SORBS2: variants seen among roughly 807,000 people sequenced by gnomAD.
The protein encoded by SORBS2 is sorbin and SH3 domain-containing protein 2.
SORBS2 carries 46 observed loss-of-function variants against 97.7 expected under a neutral mutation model. The observed-to-expected ratio is 0.47, with a 90% confidence interval of 0.37 to 0.60. The LOEUF is 0.60. SORBS2 is among the 20% of genes least tolerant of loss of function. The pLI is 0.00. For missense variants in SORBS2, 1,316 were observed against 1,282.3 expected (o/e 1.03, Z -0.40); for synonymous variants, 476 against 473.4 (o/e 1.01, Z -0.07).
chr4:185,758,918 T>A (rs1389540665), intron 2 of SORBS2, among the ~76,000 whole-genome samples: 1 of 152,242 alleles, frequency 6.6e-6, no homozygotes, highest in Non-Finnish European at 1.5e-5. Context: ...AGATCCTCTT[T>A]ACCCTGCTAT....
At chr4:185,625,962 ATC>A (rs1451943894) in intron 6 of SORBS2, among the ~76,000 whole-genome samples, 1 of 152,186 alleles carries the variant, frequency 6.6e-6, no homozygotes, top group Non-Finnish European at 1.5e-5. Flanking sequence ...ACATTTCAAA[ATC>A]TCTTTCTCTT....
At chr4:185,792,911 C>T (rs2099087598) in intron 1 of SORBS2, among the ~76,000 whole-genome samples, 1 of 152,176 alleles carries the variant, frequency 6.6e-6, no homozygotes, top group Non-Finnish European at 1.5e-5. Context: ...ACATGTGTGA[C>T]CCTGTGCAAG....
chr4:185,954,547 A>G (rs978746607), intron 1 of SORBS2, among the ~76,000 whole-genome samples: 3 of 152,250 alleles, frequency 2.0e-5, no homozygotes, highest in African/African-American at 7.2e-5. Context: ...GTTGTCACAG[A>G]GGCGAAGTGT....
At position 185,638,896 on chromosome 4, in the gene SORBS2, G is replaced by A. The variant is rs541024549; in HGVS notation, c.396+7772C>T. ...GCTCACCCGGGTGGGAGACAGAGCC[G>A]GGGCGCGCGAGCTTGGTGTGGGGGC... is the stretch of plus-strand genomic sequence containing the variant. On this transcript the variant is annotated intron_variant, in intron 4 of 14. Transcript: ENST00000418609. 1.6e-5 allele frequency: 23 copies of A among 1,483,462 alleles called. No homozygotes were observed. The Admixed American group carries it at 2.3e-4, about 15-fold the overall frequency. 91.9% of individuals were successfully genotyped at this position (1,483,462 alleles called of 1,614,324 possible). A position where few individuals can be genotyped will look rare whatever the true frequency, so the allele number is the denominator to read the frequency against.
chr4:185,733,429 C>T (rs1172237906), intron 2 of SORBS2, among the ~76,000 whole-genome samples: 1 of 152,238 alleles, frequency 6.6e-6, no homozygotes, highest in Non-Finnish European at 1.5e-5. Flanking sequence ...AAACAGCGAA[C>T]AGTGACATTG....
At chr4:185,768,843 C>T (rs887724461) in intron 2 of SORBS2, among the ~76,000 whole-genome samples, 3 of 152,050 alleles carry the variant, frequency 2.0e-5, no homozygotes, top group Non-Finnish European at 1.5e-5. Context: ...TCTTTATACA[C>T]CAGATCAAGG....
intron 1 of SORBS2, among the ~76,000 whole-genome samples, chr4:185,843,308 C>G (rs924410141): frequency 6.6e-6 from 1 of 152,140 alleles, no homozygotes; most frequent in Non-Finnish European, 1.5e-5. Context: ...AAAAGGTATC[C>G]ACTTTCACCA....
chr4:185,934,047 C>T (rs1013549934), intron 1 of SORBS2, among the ~76,000 whole-genome samples: 9 of 152,136 alleles, frequency 5.9e-5, no homozygotes, highest in African/African-American at 2.2e-4. Flanking sequence ...AAAATAAAAT[C>T]TTTAGGGAAG....
chr4:185,931,044 T>TAAA (rs58681309), intron 1 of SORBS2, among the ~76,000 whole-genome samples: 42,205 of 151,952 alleles, frequency 0.28, 6,069 homozygotes, highest in South Asian at 0.34. Flanking sequence ...TTTAAAGTGA[T>TAAA]GATATCTTCA....
At chr4:185,625,286 G>T (rs2096792121) in intron 6 of SORBS2, among the ~76,000 whole-genome samples, 1 of 150,834 alleles carries the variant, frequency 6.6e-6, no homozygotes, top group South Asian at 2.1e-4. Context: ...AAAATCATTT[G>T]CAATTTGATA....
chr4:185,589,297 A>G (rs1339059812), intron 14 of SORBS2: 1 of 178,958 alleles, frequency 5.6e-6, no homozygotes, highest in Non-Finnish European at 1.2e-5. Flanking sequence ...ACTTAATCTC[A>G]CTCCCTCTGA....
chr4:185,710,036 C>T (rs1470941825), intron 2 of SORBS2: 1 of 152,162 alleles, frequency 6.6e-6, no homozygotes, highest in Admixed American at 6.5e-5. Flanking sequence ...AAGTTTTTGG[C>T]CTCGGTTTCC....
At chr4:185,750,819 T>C (rs1443763879) in intron 2 of SORBS2, among the ~76,000 whole-genome samples, 1 of 152,082 alleles carries the variant, frequency 6.6e-6, no homozygotes, top group Non-Finnish European at 1.5e-5. Context: ...TTTGGAAAGT[T>C]GGGGGTAAGG....
At chr4:185,613,879 G>A (rs973614717) in intron 11 of SORBS2, among the ~76,000 whole-genome samples, 1 of 152,056 alleles carries the variant, frequency 6.6e-6, no homozygotes, top group Non-Finnish European at 1.5e-5. Flanking sequence ...TGATGATGCA[G>A]AATTAAGACT....
chr4:185,864,190 G>A (rs556774206), intron 1 of SORBS2, among the ~76,000 whole-genome samples: 16 of 152,226 alleles, frequency 1.1e-4, no homozygotes, highest in African/African-American at 3.1e-4. Flanking sequence ...ATAAAAAGCC[G>A]GAGTGTAACA....
At chr4:185,643,392 A>G (rs2153451196) in intron 4 of SORBS2, among the ~76,000 whole-genome samples, 1 of 152,340 alleles carries the variant, frequency 6.6e-6, no homozygotes, top group Middle Eastern at 3.4e-3. Context: ...TGGAGAGGTC[A>G]GCTGGAGCCC....
In SORBS2 at chr4:185,606,175, T is replaced by C. The variant is rs531354506; in HGVS notation, c.2796+5605A>G. On this transcript the variant is annotated intron_variant, in intron 12 of 14. Transcript: ENST00000418609. The surrounding 1 kb of genome is among the most constrained non-coding windows in gnomAD (Gnocchi z 4.3). ...TAGGACAAATTTCTGGGCATCAACTTCCTCTTCTCTAAAGTGGGGATGATA... is the reference window on the plus strand; with the variant it reads ...TAGGACAAATTTCTGGGCATCAACTCCCTCTTCTCTAAAGTGGGGATGATA... 3 of 985,398 alleles carry C rather than the reference T, an allele frequency of 3.0e-6. No homozygotes were observed. In the South Asian group the frequency reaches 1.4e-4, roughly 46 times the overall value. The allele number at this position is 985,398 out of a possible 1,614,324, so 61.0% of individuals were successfully genotyped here.
intron 1 of SORBS2, among the ~76,000 whole-genome samples, chr4:185,855,337 AC>A (rs1372927760): frequency 6.6e-6 from 1 of 152,176 alleles, no homozygotes; most frequent in Non-Finnish European, 1.5e-5. Flanking sequence ...TCCAGTACAT[AC>A]GTGGACACAC....
chr4:185,878,804 G>A (rs2099235095), intron 1 of SORBS2, among the ~76,000 whole-genome samples: 1 of 151,678 alleles, frequency 6.6e-6, no homozygotes, highest in East Asian at 1.9e-4. Context: ...CCAGTGCCTC[G>A]CCTCAGCCTA....
Sources: allele counts gnomAD v4.1 joint callset (sites outside exome capture counted in the v4.1 genomes callset), GRCh38; gene constraint gnomAD v4.1.1; non-coding constraint Gnocchi (gnomAD v3.1); transcripts MANE v1.5; gene names NCBI Gene and HGNC (gene_info 2026-07-23, HGNC 2026-07-21).